Variants in FOXP2 observed in about 807,000 individuals in gnomAD.
FOXP2 encodes the protein forkhead box P2, also known as forkhead box protein P2.
A neutral mutation model predicts 115.8 loss-of-function variants in FOXP2; 12 were observed. The observed-to-expected ratio is 0.10, with a 90% CI of 0.07 to 0.17. The LOEUF (loss-of-function observed/expected upper bound fraction) is 0.17. Among genes scored for constraint, FOXP2 ranks in the 10% least tolerant of loss-of-function variants. FOXP2 has a pLI of 1.00. For synonymous variants in FOXP2, 328 were observed against 297.7 expected (o/e 1.10, Z -1.05); for missense variants, 629 against 843.5 (o/e 0.75, Z 3.15).
chr7:114,152,232 T>C (rs996684834), intron 1 of FOXP2, among the ~76,000 whole-genome samples: 1 of 152,168 alleles, frequency 6.6e-6, no homozygotes, highest in East Asian at 1.9e-4. Context: ...ACATTATCTA[T>C]TGAATACATA....
intron 2 of FOXP2, among the ~76,000 whole-genome samples, chr7:114,468,753 T>C (rs1226410816): frequency 1.3e-5 from 2 of 152,116 alleles, no homozygotes; most frequent in African/African-American, 4.8e-5. Context: ...ACATCAAAAT[T>C]ATCTTTTTAT....
intron 1 of FOXP2, among the ~76,000 whole-genome samples, chr7:114,196,262 G>A (rs746925001): frequency 2.0e-4 from 31 of 151,522 alleles, no homozygotes; most frequent in South Asian, 1.5e-3. Context: ...TGCCCACCTC[G>A]GCCTTCCAAA....
intron 2 of FOXP2, among the ~76,000 whole-genome samples, chr7:114,428,405 G>C (rs1038443749): frequency 2.0e-5 from 3 of 151,402 alleles, no homozygotes; most frequent in African/African-American, 7.3e-5. Context: ...AGTTTACTTT[G>C]TTCTATGCAG....
chr7:114,162,543 A>G (rs2129150860), upstream of FOXP2, among the ~76,000 whole-genome samples: 1 of 151,950 alleles, frequency 6.6e-6, no homozygotes, highest in East Asian at 1.9e-4. Context: ...TCATCCTGTA[A>G]TTCTTCAGCC....
chr7:114,498,801 G>T (rs1291081110), intron 2 of FOXP2: 14 of 714,656 alleles, frequency 2.0e-5, no homozygotes, highest in Admixed American at 1.0e-4. Flanking sequence ...TTTTTTGGGG[G>T]TATATGTCAG....
At chr7:114,223,128 A>G (rs1036425553) in intron 1 of FOXP2, among the ~76,000 whole-genome samples, 1 of 152,132 alleles carries the variant, frequency 6.6e-6, no homozygotes, top group African/African-American at 2.4e-5. Flanking sequence ...TTCCTTAGGA[A>G]TGAAACAGCA....
intron 10 of FOXP2, among the ~76,000 whole-genome samples, chr7:114,654,917 G>A (rs529793031): frequency 2.6e-5 from 4 of 152,124 alleles, no homozygotes; most frequent in East Asian, 1.9e-4. Flanking sequence ...GTAATGTCTC[G>A]ATATTTCTTA....
chr7:114,355,876 G>A (rs1791606962), intron 2 of FOXP2, among the ~76,000 whole-genome samples: 1 of 152,062 alleles, frequency 6.6e-6, no homozygotes, highest in South Asian at 2.1e-4. Flanking sequence ...TGTTATTTTG[G>A]CCATTAGCTT....
At chr7:114,500,380 T>C (rs1275400382) in intron 2 of FOXP2, among the ~76,000 whole-genome samples, 1 of 152,088 alleles carries the variant, frequency 6.6e-6, no homozygotes, top group Non-Finnish European at 1.5e-5. Flanking sequence ...GTCTAAGTAC[T>C]TATTCCATTG....
chr7:114,453,999 C>A (rs1025121508), intron 2 of FOXP2, among the ~76,000 whole-genome samples: 3 of 152,034 alleles, frequency 2.0e-5, no homozygotes, highest in Non-Finnish European at 2.9e-5. Flanking sequence ...AATGGCAACA[C>A]AAGACAAAAT....
chr7:114,471,457 T>A (rs1398423356), intron 2 of FOXP2, among the ~76,000 whole-genome samples: 3 of 152,240 alleles, frequency 2.0e-5, no homozygotes, highest in African/African-American at 7.2e-5. Context: ...TTTGTCCATC[T>A]ATTTTTTAAG....
At chr7:114,245,839 C>T (rs1795269570) in intron 1 of FOXP2, among the ~76,000 whole-genome samples, 1 of 149,410 alleles carries the variant, frequency 6.7e-6, no homozygotes, top group African/African-American at 2.6e-5. Context: ...TTTTTAAGTT[C>T]CAAAGTTTTT....
Position 114,268,700 on chromosome 7 carries a change from C to CTGTGTG in FOXP2, c.-101-19293_-101-19288dup, listed in dbSNP as rs61371412. Among the ~76,000 whole-genome samples, 703 of 148,114 alleles carry CTGTGTG rather than the reference C, an allele frequency of 4.7e-3. 4 individuals carry two copies. Among genetic ancestry groups the CTGTGTG allele is most frequent in the Non-Finnish European group, 7.5e-3 (498 of 66,714 alleles). ...CGATTGGTGAAGTCTATACTCCCCA[C>CTGTGTG]TGTGTGTGTGTGTGTGTGTGTGTGT... On this transcript the variant is annotated intron_variant, in intron 1 of 17. Coordinates refer to the FOXP2 transcript ENST00000634411.
chr7:114,246,273 T>C (rs1795281088), intron 1 of FOXP2, among the ~76,000 whole-genome samples: 1 of 152,256 alleles, frequency 6.6e-6, no homozygotes, highest in African/African-American at 2.4e-5. Flanking sequence ...AACAAATACT[T>C]ATCTAGCTAA....
rs540752303 is a variant in FOXP2, at chr7:114,642,701, A to G, written c.989+78A>G. On this transcript the variant is annotated intron_variant, in intron 7 of 16. Transcript: ENST00000350908. ...ACCATTGAGACAATGAAAAAGAACA[A>G]TTTGTACTTGGAGCAAGGACAAAAT... The G allele has an allele frequency of 3.9e-5, 52 of 1,334,698 alleles. 1 individual carries two copies. The highest frequency in any genetic ancestry group is 2.5e-4 in the East Asian group (10 of 40,810). 82.7% of individuals were successfully genotyped at this position (1,334,698 alleles called of 1,614,324 possible). A position where few individuals can be genotyped will look rare whatever the true frequency, so the allele number is the denominator to read the frequency against.
intron 2 of FOXP2, among the ~76,000 whole-genome samples, chr7:114,388,323 A>G (rs1166598487): frequency 2.0e-5 from 3 of 152,252 alleles, no homozygotes; most frequent in Admixed American, 2.0e-4. Flanking sequence ...TTCTGGTAAA[A>G]AAAAAATGGT....
intron 16 of FOXP2, among the ~76,000 whole-genome samples, chr7:114,676,252 G>A (rs946252343): frequency 6.6e-6 from 1 of 151,994 alleles, no homozygotes; most frequent in Non-Finnish European, 1.5e-5. Context: ...ATCGGAGCTA[G>A]TTAATGTATT....
intron 1 of FOXP2, among the ~76,000 whole-genome samples, chr7:114,203,683 G>C (rs910149521): frequency 2.0e-5 from 3 of 152,086 alleles, no homozygotes; most frequent in African/African-American, 4.8e-5. Context: ...CAAATGCTCT[G>C]TTTGGCTTAC....
chr7:114,287,715 A>T (rs1796501700), intron 1 of FOXP2, among the ~76,000 whole-genome samples: 1 of 151,974 alleles, frequency 6.6e-6, no homozygotes, highest in Non-Finnish European at 1.5e-5. Context: ...ATCACTGAAA[A>T]GTTTAAACTT....
Sources: gnomAD v4.1 joint callset for allele counts (sites outside exome capture counted in the v4.1 genomes callset) on GRCh38, gnomAD v4.1.1 for gene constraint, MANE v1.5 for transcripts, NCBI Gene and HGNC (gene_info 2026-07-23, HGNC 2026-07-21) for gene names.